The following RDX variants were observed in gnomAD, a reference collection of about 807,000 sequenced individuals.
The protein encoded by RDX is deafness, autosomal recessive 24.
Under a neutral mutation model 83.7 loss-of-function variants are expected in RDX, and 32 were observed. The observed-to-expected ratio is 0.38, with a 90% CI of 0.29 to 0.51. The LOEUF (loss-of-function observed/expected upper bound fraction) is 0.51. Among genes scored for constraint, RDX ranks in the 20% least tolerant of loss-of-function variants. RDX has a pLI of 0.87. For missense variants in RDX, 600 were observed against 689.9 expected, an observed-to-expected ratio of 0.87 and a Z score of 1.46; for synonymous variants, 229 against 222.7, an observed-to-expected ratio of 1.03 and a Z score of -0.25.
intron 1 of RDX, among the ~76,000 whole-genome samples, chr11:110,280,577 A>G (rs549327288): frequency 1.1e-3 from 161 of 152,374 alleles, no homozygotes; most frequent in African/African-American, 3.4e-3. Flanking sequence ...ATTTGAAAAT[A>G]TGAATGGAGA....
downstream of RDX, among the ~76,000 whole-genome samples, chr11:110,226,376 A>G (rs1431275429): frequency 2.4e-4 from 37 of 152,234 alleles, no homozygotes; most frequent in Admixed American, 2.4e-3. Flanking sequence ...ACCAGACACG[A>G]AAGGACAAAT....
At chr11:110,274,306 G>A (rs1860424754) in intron 2 of RDX, among the ~76,000 whole-genome samples, 1 of 151,978 alleles carries the variant, frequency 6.6e-6, no homozygotes, top group Non-Finnish European at 1.5e-5. Flanking sequence ...AATACCAACA[G>A]GTAATCACTA....
chr11:110,203,303 A>G (rs1156760734), intron 14 of RDX, among the ~76,000 whole-genome samples: 2 of 152,082 alleles, frequency 1.3e-5, no homozygotes, highest in Non-Finnish European at 2.9e-5. Context: ...TGTGGGATCT[A>G]AAAATAAAAA....
chr11:110,290,678 G>T (rs1317987619), intron 1 of RDX, among the ~76,000 whole-genome samples: 3 of 152,154 alleles, frequency 2.0e-5, no homozygotes, highest in Non-Finnish European at 4.4e-5. Context: ...TTAAAGCAGT[G>T]GTCGGCAAAC....
At chr11:110,208,954 C>T (rs748971220) in intron 14 of RDX, among the ~76,000 whole-genome samples, 11 of 152,192 alleles carry the variant, frequency 7.2e-5, no homozygotes, top group Non-Finnish European at 1.3e-4. Flanking sequence ...AAAACTCTGT[C>T]TCAAAGTAAT....
chr11:110,218,993 C>G (rs1348771923), intron 14 of RDX, among the ~76,000 whole-genome samples: 4 of 152,094 alleles, frequency 2.6e-5, no homozygotes, highest in African/African-American at 9.7e-5. Flanking sequence ...AGCTTACATT[C>G]TAGTGGGGTG....
chr11:110,237,470 C>G (rs1864903598), intron 11 of RDX, 22 bp downstream of exon 11: 1 of 1,609,166 alleles, frequency 6.2e-7, no homozygotes, highest in Non-Finnish European at 8.5e-7. Context: ...AAACTTTTTT[C>G]TCTAAGAAGA....
intron 9 of RDX, among the ~76,000 whole-genome samples, chr11:110,248,925 A>T (rs1164406036): frequency 6.6e-6 from 1 of 152,224 alleles, no homozygotes; most frequent in African/African-American, 2.4e-5. Context: ...TTAGAATGAC[A>T]GTAGGTGGCT....
At position 110,264,092 on chromosome 11, in the gene RDX, T is replaced by C; in HGVS notation, c.335A>G (p.Asn112Ser). The change falls in exon 5 of 14, where the codon AAT becomes AGT. Residue 112 changes from asparagine to serine, a missense_variant. Asn to Ser is a conservative substitution (Grantham distance 46). Transcript: ENST00000645495. ...TTCTGGCGGGCAATATATCTCATCA[T>C]TTAAGATGGCTTCTTTAACTTGCAA... ...FFLQVKEAIL[N>S]DEIYCPPETA... The C allele has an allele frequency of 6.2e-7, 1 of 1,613,994 alleles. No individual in the cohort carries two copies. The highest frequency in any genetic ancestry group is 8.5e-7 in the Non-Finnish European group (1 of 1,179,888).
downstream of RDX, among the ~76,000 whole-genome samples, chr11:110,225,176 A>G (rs1864390663): frequency 6.6e-6 from 1 of 152,180 alleles, no homozygotes. Flanking sequence ...TTCTTCATTA[A>G]AAACTATTTT....
chr11:110,284,777 C>T (rs1478966471), intron 1 of RDX, among the ~76,000 whole-genome samples: 3 of 152,110 alleles, frequency 2.0e-5, no homozygotes, highest in Non-Finnish European at 4.4e-5. Flanking sequence ...CCCGCCTCGG[C>T]CTCCCAAAGT....
chr11:110,282,293 A>C (rs1399171381), intron 1 of RDX, among the ~76,000 whole-genome samples: 1 of 152,186 alleles, frequency 6.6e-6, no homozygotes, highest in Admixed American at 6.5e-5. Context: ...CAATCACTAA[A>C]GGTTTTATCC....
In RDX at chr11:110,264,756, T is replaced by A. The variant is rs1415172377; in HGVS notation, c.192+23A>T. 5 of 1,484,858 alleles carry A rather than the reference T, an allele frequency of 3.4e-6. No homozygotes were observed. In the South Asian group the frequency reaches 5.7e-5, roughly 17 times the overall value. 92.0% of individuals were successfully genotyped at this position (1,484,858 alleles called of 1,614,324 possible). On this transcript the variant is annotated intron_variant, in intron 4 of 13. Transcript: ENST00000645495. ...CTTCAACTTAACATAATTATTAGTTTAATGTTATCGTACATATTTTACCTT... is the reference window on the plus strand; with the variant it reads ...CTTCAACTTAACATAATTATTAGTTAAATGTTATCGTACATATTTTACCTT...
At chr11:110,190,955 C>G (rs1863093585) in intron 15 of RDX, among the ~76,000 whole-genome samples, 1 of 152,090 alleles carries the variant, frequency 6.6e-6, no homozygotes, top group Admixed American at 6.6e-5. Context: ...ATAAAAAACC[C>G]AGCAGCCAAG....
At chr11:110,258,063 T>C in intron 6 of RDX, 43 bp downstream of exon 6, 1 of 1,513,104 alleles carries the variant, frequency 6.6e-7, no homozygotes, top group Non-Finnish European at 9.2e-7. Flanking sequence ...ATGAAAATAC[T>C]TTGAAGGAAA....
downstream of RDX, among the ~76,000 whole-genome samples, chr11:110,228,076 T>C (rs1460202919): frequency 1.3e-5 from 2 of 151,866 alleles, no homozygotes; most frequent in South Asian, 2.1e-4. Context: ...GAGAAAATGG[T>C]AGTTCTTATA....
chr11:110,253,974 C>T lies in RDX; in HGVS notation c.931G>A (p.Glu311Lys). The change falls in exon 9 of 14, where the codon GAG (glutamate) becomes AAG (lysine). Residue 311 changes from glutamate to lysine, a missense_variant. Coordinates refer to ENST00000645495, the MANE Select transcript of RDX (RefSeq NM_002906.4). Reference sequence around the variant, plus strand: ...TCCAACTGCTTCTGATGTTTCTCCTCCCTAGCCTGAGCCTTCATCTGTTGT... The same window carrying T: ...TCCAACTGCTTCTGATGTTTCTCCTTCCTAGCCTGAGCCTTCATCTGTTGT... ...EVQQMKAQAREEKHQKQLERA... is the reference protein window; with the variant it reads ...EVQQMKAQARKEKHQKQLERA... 6.2e-7 allele frequency: 1 copy of T among 1,613,680 alleles called. No homozygotes were observed.
At chr11:110,181,253 C>A (rs1287635415) in intron 15 of RDX, among the ~76,000 whole-genome samples, 1 of 151,952 alleles carries the variant, frequency 6.6e-6, no homozygotes, top group Non-Finnish European at 1.5e-5. Flanking sequence ...ACCTCCGCCT[C>A]CCGGGTTGAA....
chr11:110,270,067 G>C (rs970210186), intron 3 of RDX, among the ~76,000 whole-genome samples: 1 of 151,980 alleles, frequency 6.6e-6, no homozygotes, highest in African/African-American at 2.4e-5. Flanking sequence ...TTTTAATAAA[G>C]AAATAAGTAA....
Sources: gnomAD v4.1 joint callset for allele counts (sites outside exome capture counted in the v4.1 genomes callset) on GRCh38, gnomAD v4.1.1 for gene constraint, MANE v1.5 for transcripts, NCBI Gene and HGNC (gene_info 2026-07-23, HGNC 2026-07-21) for gene names.